Variants in CD79B observed in about 807,000 individuals in gnomAD.
The protein encoded by CD79B is B-cell antigen receptor complex-associated protein beta chain.
Under a neutral mutation model 30.0 loss-of-function variants are expected in CD79B, and 7 were observed. That is an observed-to-expected ratio of 0.23 (90% CI 0.13 to 0.44). The LOEUF is 0.44. CD79B is among the 20% of genes least tolerant of loss of function. CD79B has a pLI of 1.00. For synonymous variants in CD79B, 118 were observed against 119.2 expected (o/e 0.99, Z 0.07); for missense variants, 218 against 299.1 (o/e 0.73, Z 2.00).
chr17:63,929,497 G>T lies in CD79B; in HGVS notation c.550-22C>A, dbSNP rs185145519. Reference sequence around the variant, plus strand: ...CATCCTGGGGGCGGAGAGGGATGGAGATCAGAGTGTTAGTGTCCCCCAGCC... The same window carrying T: ...CATCCTGGGGGCGGAGAGGGATGGATATCAGAGTGTTAGTGTCCCCCAGCC... On this transcript the variant is annotated intron_variant, in intron 4 of 5. Coordinates refer to ENST00000006750, the MANE Select transcript of CD79B (RefSeq NM_000626.4). 903 of 1,613,554 alleles carry T rather than the reference G, an allele frequency of 5.6e-4. 7 individuals are homozygous for T. In the Admixed American group the frequency reaches 0.013, roughly 23 times the overall value.
rs1017211241 is a variant in CD79B at position 63,928,978 on chromosome 17, C to A, written c.*248G>T. On this transcript the variant is annotated 3_prime_UTR_variant, in exon 6 of 6. Coordinates refer to ENST00000006750, the MANE Select transcript of CD79B (RefSeq NM_000626.4). The stretch of plus-strand genomic sequence containing the variant: ...TGTGGGGACGGATCACCTCATAGCA[C>A]CCCCAGAAGGCTGGGTCCCGTCCAT... The A allele has an allele frequency of 5.3e-6, 3 of 569,268 alleles. No individual in the cohort carries two copies. In the East Asian group the frequency reaches 8.9e-5, roughly 17 times the overall value. 35.3% of individuals were successfully genotyped at this position (569,268 alleles called of 1,614,324 possible). A position where few individuals can be genotyped will look rare whatever the true frequency, so the allele number is the denominator to read the frequency against.
At chr17:63,931,578 C>G (rs556116500) in intron 1 of CD79B, among the ~76,000 whole-genome samples, 193 bp from the exon 2 acceptor site, 1 of 152,346 alleles carries the variant, frequency 6.6e-6, no homozygotes, top group Non-Finnish European at 1.5e-5. Context: ...GCCCTGCCCC[C>G]AGCCCCCTTT....
intron 1 of CD79B, chr17:63,931,756 TTTA>T: frequency 3.4e-5 from 12 of 353,700 alleles, no homozygotes; most frequent in South Asian, 6.2e-5. Flanking sequence ...TTTTTTTTTT[TTTA>T]AAGAGAGACA....
Position 63,928,816 on chromosome 17 carries a change from G to A in CD79B, c.*410C>T. The stretch of plus-strand genomic sequence containing the variant: ...GGGCCTCCCTGGGGTGGGAGTGGTT[G>A]CGGGAGAGGAATGATGTTCCTGTGG... On this transcript the variant is annotated 3_prime_UTR_variant, in exon 6 of 6. Transcript: ENST00000006750. 1 of 371,484 alleles carries A rather than the reference G, an allele frequency of 2.7e-6. No homozygotes were observed. Among genetic ancestry groups the A allele is most frequent in the East Asian group, 4.5e-5 (1 of 22,344 alleles). The allele number at this position is 371,484 out of a possible 1,614,324, so 23.0% of individuals were successfully genotyped here.
intron 1 of CD79B, chr17:63,931,926 G>A (rs549680789): frequency 4.0e-4 from 215 of 537,792 alleles, no homozygotes; most frequent in African/African-American, 3.8e-3. Flanking sequence ...GTTCTTCCAC[G>A]GTCCTGGTTG....
intron 2 of CD79B, 31 bp from the exon 3 acceptor site, chr17:63,930,416 C>T (rs376385596): frequency 7.5e-6 from 12 of 1,601,136 alleles, no homozygotes; most frequent in Middle Eastern, 1.6e-4. Context: ...CTCAGCATTC[C>T]GCTTGGCATC....
chr17:63,929,945 C>A, intron 3 of CD79B, 57 bp from the exon 4 acceptor site: 1 of 1,536,320 alleles, frequency 6.5e-7, no homozygotes, highest in Non-Finnish European at 9.0e-7. Context: ...TTTAGGCCTA[C>A]AAGGGCAGCT....
intron 1 of CD79B, 58 bp downstream of exon 1, chr17:63,932,136 AG>A (rs1427642817): frequency 4.8e-6 from 7 of 1,459,108 alleles, no homozygotes; most frequent in Non-Finnish European, 5.8e-6. Context: ...GCAGAGCCGC[AG>A]GGCCCAGACA....
In CD79B at chr17:63,932,328, A is replaced by G; in HGVS notation, c.-67T>C. ...CGAGGCTCCTTGGAGGAAAACGTGTAACTGCACCGGCTGCAGCCTGTCCCC... is the reference window on the plus strand; with the variant it reads ...CGAGGCTCCTTGGAGGAAAACGTGTGACTGCACCGGCTGCAGCCTGTCCCC... On this transcript the variant is annotated 5_prime_UTR_variant, in exon 1 of 6. Transcript: ENST00000006750. 1 of 1,431,294 alleles carries G rather than the reference A, an allele frequency of 7.0e-7. No individual in the cohort carries two copies. 88.7% of individuals were successfully genotyped at this position (1,431,294 alleles called of 1,614,324 possible). A position where few individuals can be genotyped will look rare whatever the true frequency, so the allele number is the denominator to read the frequency against.
intron 2 of CD79B, 138 bp from the exon 3 acceptor site, chr17:63,930,523 G>A: frequency 1.2e-6 from 1 of 806,222 alleles, no homozygotes; most frequent in Admixed American, 2.1e-5. Context: ...CAGGCAGGAG[G>A]CTGAGGTTGG....
rs1475897226 is a variant in CD79B at position 63,931,397 on chromosome 17, G to A, written c.68-12C>T. 3.7e-6 allele frequency: 6 copies of A among 1,613,802 alleles called. 1 individual carries two copies. In the South Asian group the frequency reaches 5.5e-5, roughly 15 times the overall value. On this transcript the variant is annotated splice_polypyrimidine_tract_variant and intron_variant, in intron 1 of 5. Transcript: ENST00000006750. ...TGGTACTGGCTCAGCTGCTGGGTGGGAGGAAGTGGGCGGGGCCAGTCAGGG... is the reference window on the plus strand; with the variant it reads ...TGGTACTGGCTCAGCTGCTGGGTGGAAGGAAGTGGGCGGGGCCAGTCAGGG...
chr17:63,930,243 C>T lies in CD79B; in HGVS notation c.261G>A (p.Gln87=), dbSNP rs191761650. The T allele has an allele frequency of 1.4e-5, 22 of 1,614,214 alleles. No homozygotes were observed. In the Admixed American group the frequency reaches 3.0e-4, roughly 22 times the overall value. Residue 87 remains glutamine, a synonymous_variant, in exon 3 of 6, where the codon CAG becomes CAA. Transcript: ENST00000006750. The stretch of plus-strand genomic sequence containing the variant: ...TGCGGCCCTTTTCCAGCTTCAGCTG[C>T]TGGGGATTCTCGTCCATCTCCTGCT... The part of the protein sequence containing the change: ...LWKQEMDENP[Q]QLKLEKGRME...
chr17:63,929,510 G>A (rs1907984146), intron 4 of CD79B, 35 bp from the exon 5 acceptor site: 2 of 1,612,484 alleles, frequency 1.2e-6, no homozygotes, highest in Non-Finnish European at 1.7e-6. Context: ...CAGAGTGTTA[G>A]TGTCCCCCAG....
At chr17:63,930,014 G>A in intron 3 of CD79B, 60 bp downstream of exon 3, 1 of 1,590,308 alleles carries the variant, frequency 6.3e-7, no homozygotes, top group South Asian at 1.1e-5. Context: ...ACCACAAGAG[G>A]CAGGCCGGGC....
chr17:63,931,055 G>A (rs1388249775), intron 2 of CD79B: 3 of 495,884 alleles, frequency 6.0e-6, no homozygotes, highest in Non-Finnish European at 1.1e-5. Flanking sequence ...ACAGGCCCGG[G>A]CCTGAGTCCT....
rs1030804357 is a variant in CD79B, at chr17:63,928,799, C to T, written c.*427G>A. ...GAAGGCACTGGAGGCCAGGGCCTCC[C>T]TGGGGTGGGAGTGGTTGCGGGAGAG... On this transcript the variant is annotated 3_prime_UTR_variant, in exon 6 of 6. Transcript: ENST00000006750. The T allele has an allele frequency of 5.7e-6, 2 of 352,838 alleles. No homozygotes were observed. Among genetic ancestry groups the T allele is most frequent in the Admixed American group, 4.4e-5 (1 of 22,876 alleles). 21.9% of individuals were successfully genotyped at this position (352,838 alleles called of 1,614,324 possible).
chr17:63,928,758 C>T lies in CD79B; in HGVS notation c.*468G>A, dbSNP rs1241477124. On this transcript the variant is annotated 3_prime_UTR_variant, in exon 6 of 6. Coordinates refer to ENST00000006750, the MANE Select transcript of CD79B (RefSeq NM_000626.4). ...CTGTGTGTGGTTTCTCAGGACACAC[C>T]GTTTATTCCACGGGGGAAGGCACTG... 1.8e-5 allele frequency: 6 copies of T among 339,484 alleles called. No homozygotes were observed. The highest frequency in any genetic ancestry group is 4.5e-5 in the South Asian group (1 of 22,290). The allele number at this position is 339,484 out of a possible 1,614,324, so 21.0% of individuals were successfully genotyped here.
chr17:63,931,359 C>G lies in CD79B; in HGVS notation c.94G>C (p.Glu32Gln), dbSNP rs772746914. The change falls in exon 2 of 6, where the codon GAG (glutamate) becomes CAG (glutamine). Residue 32 changes from glutamate (E) to glutamine (Q), a missense_variant. By Grantham distance (29) the Glu-to-Gln change is conservative. Coordinates refer to ENST00000006750, the MANE Select transcript of CD79B (RefSeq NM_000626.4). ...CCTTTGGGATTCCGGTACCGGTCCT[C>G]CGATCTGGCTGCTGGTACTGGCTCA... Reference protein sequence around the residue: ...SAEPVPAARSEDRYRNPKGSA... With the variant: ...SAEPVPAARSQDRYRNPKGSA... 1.9e-6 allele frequency: 3 copies of G among 1,614,100 alleles called. No individual in the cohort carries two copies. The East Asian group carries it at 6.7e-5, about 36-fold the overall frequency.
At chr17:63,930,003 C>T in intron 3 of CD79B, 71 bp downstream of exon 3, 3 of 1,579,360 alleles carry the variant, frequency 1.9e-6, no homozygotes, top group East Asian at 2.2e-5. Flanking sequence ...CCATGACCAT[C>T]ACCACAAGAG....
Sources: gnomAD v4.1 joint callset for allele counts (sites outside exome capture counted in the v4.1 genomes callset) on GRCh38, gnomAD v4.1.1 for gene constraint, MANE v1.5 for transcripts, NCBI Gene and HGNC (gene_info 2026-07-23, HGNC 2026-07-21) for gene names.